MFSD2B: variants seen among roughly 807,000 people sequenced by gnomAD.
MFSD2B encodes MFSD2 lysolipid transporter B, sphingolipid.
In MFSD2B, 56 loss-of-function variants were observed where a neutral mutation model predicts 58.4. That is an observed-to-expected ratio of 0.96 (90% CI 0.77 to 1.20). MFSD2B has a LOEUF of 1.20. MFSD2B is among the 50% of genes most tolerant of loss of function. The pLI, the probability that MFSD2B is intolerant of heterozygous loss-of-function variation, is 0.00. For missense variants in MFSD2B, 645 were observed against 667.6 expected (o/e 0.97, Z 0.37); for synonymous variants, 287 against 294.4 (o/e 0.97, Z 0.26).
intron 6 of MFSD2B, chr2:24,018,767 A>T (rs1394920853): frequency 6.1e-6 from 1 of 162,856 alleles, no homozygotes; most frequent in Non-Finnish European, 1.3e-5. Context: ...CGCCTTCAGG[A>T]CTGGGCATGG....
In MFSD2B at chr2:24,017,695, G is replaced by T; in HGVS notation, c.681+107G>T. The T allele has an allele frequency of 1.6e-6, 2 of 1,254,718 alleles. No homozygotes were observed. Among genetic ancestry groups the T allele is most frequent in the Non-Finnish European group, 1.1e-6 (1 of 921,284 alleles). The allele number at this position is 1,254,718 out of a possible 1,614,324, so 77.7% of individuals were successfully genotyped here. A position where few individuals can be genotyped will look rare whatever the true frequency, so the allele number is the denominator to read the frequency against. On this transcript the variant is annotated intron_variant, in intron 6 of 13. Coordinates refer to ENST00000338315, the MANE Select transcript of MFSD2B (RefSeq NM_001346880.2). This position sits in a 1 kb window ranked among gnomAD's most constrained non-coding sequence, Gnocchi z 4.8. ...GTCCACACCACTTTGTTGTCTTTTA[G>T]GGGGCTCACTGTGCCCCCTCATTCC...
chr2:24,024,352 C>A lies in MFSD2B; in HGVS notation c.1490+81C>A. 2 of 1,393,946 alleles carry A rather than the reference C, an allele frequency of 1.4e-6. No homozygotes were observed. Among genetic ancestry groups the A allele is most frequent in the Non-Finnish European group, 2.0e-6 (2 of 1,024,956 alleles). The allele number at this position is 1,393,946 out of a possible 1,614,324, so 86.3% of individuals were successfully genotyped here. A position where few individuals can be genotyped will look rare whatever the true frequency, so the allele number is the denominator to read the frequency against. On this transcript the variant is annotated intron_variant, in intron 13 of 13. Transcript: ENST00000338315. This position sits in a 1 kb window ranked among gnomAD's most constrained non-coding sequence, Gnocchi z 4.3. The stretch of plus-strand genomic sequence containing the variant: ...ATGACTAACACCAGCCTGCAGACAT[C>A]CCTGCTGTGTCACACAGTCCTGCCT...
rs1012830923 is a variant in MFSD2B, at chr2:24,020,616, A to G, written c.682-1032A>G. ...ACTCTGCCACCCAGGCTGGAGTGCA[A>G]TGGTGCAATCACAGCTCACAGCAAC... is the stretch of plus-strand genomic sequence containing the variant. On this transcript the variant is annotated intron_variant, in intron 6 of 13. Coordinates refer to ENST00000338315, the MANE Select transcript of MFSD2B (RefSeq NM_001346880.2). This position sits in a 1 kb window ranked among gnomAD's most constrained non-coding sequence, Gnocchi z 4.1. Among the ~76,000 whole-genome samples, 2 of 151,952 alleles carry G rather than the reference A, an allele frequency of 1.3e-5. No individual in the cohort carries two copies. Among genetic ancestry groups the G allele is most frequent in the East Asian group, 1.9e-4 (1 of 5,148 alleles).
Position 24,023,463 on chromosome 2 carries a change from C to T in MFSD2B, c.1170-120C>T. The T allele has an allele frequency of 8.1e-7, 1 of 1,238,730 alleles. No homozygotes were observed. Among genetic ancestry groups the T allele is most frequent in the Non-Finnish European group, 1.1e-6 (1 of 895,252 alleles). The allele number at this position is 1,238,730 out of a possible 1,614,324, so 76.7% of individuals were successfully genotyped here. A position where few individuals can be genotyped will look rare whatever the true frequency, so the allele number is the denominator to read the frequency against. Reference sequence around the variant, plus strand: ...CACAGGCCATCTGCTTCTCTGGTGGCCAGTCTGGTCCTGGGCACAGAACTC... The same window carrying T: ...CACAGGCCATCTGCTTCTCTGGTGGTCAGTCTGGTCCTGGGCACAGAACTC... On this transcript the variant is annotated intron_variant, in intron 11 of 13. Transcript: ENST00000338315. This position sits in a 1 kb window ranked among gnomAD's most constrained non-coding sequence, Gnocchi z 5.0.
chr2:24,018,449 C>T, intron 6 of MFSD2B: 1 of 181,696 alleles, frequency 5.5e-6, no homozygotes, highest in Non-Finnish European at 1.2e-5. Flanking sequence ...GCCCACGATC[C>T]CCTCCCCCAA....
Position 24,025,540 on chromosome 2 carries a change from G to C in MFSD2B, c.*84G>C. Reference sequence around the variant, plus strand: ...GCCCTCCTCAGCCCTCCAGCACCTGGTCTGGCAGTTTAGTATGTGACCTTT... The same window carrying C: ...GCCCTCCTCAGCCCTCCAGCACCTGCTCTGGCAGTTTAGTATGTGACCTTT... On this transcript the variant is annotated 3_prime_UTR_variant, in exon 14 of 14. Coordinates refer to ENST00000338315, the MANE Select transcript of MFSD2B (RefSeq NM_001346880.2). 1 of 1,276,170 alleles carries C rather than the reference G, an allele frequency of 7.8e-7. No homozygotes were observed. Among genetic ancestry groups the C allele is most frequent in the Non-Finnish European group, 1.1e-6 (1 of 910,538 alleles). 79.1% of individuals were successfully genotyped at this position (1,276,170 alleles called of 1,614,324 possible).
chr2:24,010,085 G>A lies in MFSD2B; in HGVS notation c.-12G>A. On this transcript the variant is annotated 5_prime_UTR_variant, in exon 1 of 14. Transcript: ENST00000338315. ...CCCGAGGGCAACGGCCGCGGGCGGC[G>A]CTGCGGTGGCAATGGCGGCGCCCCC... 7.0e-7 allele frequency: 1 copy of A among 1,424,580 alleles called. No homozygotes were observed. The highest frequency in any genetic ancestry group is 9.1e-7 in the Non-Finnish European group (1 of 1,095,268). The allele number at this position is 1,424,580 out of a possible 1,614,324, so 88.2% of individuals were successfully genotyped here.
At position 24,021,681 on chromosome 2, in the gene MFSD2B, G is replaced by GC; in HGVS notation, c.715_716insC (p.Val239AlafsTer161). Reference sequence around the variant, plus strand: ...CTACTGCATTGCGGCTGCCGTGGTTGTAGTGACTTACCCCGTGTGCATCAG... The same window carrying GC: ...CTACTGCATTGCGGCTGCCGTGGTTGCTAGTGACTTACCCCGTGTGCATCAG... On this transcript the variant is annotated frameshift_variant, in exon 7 of 14. Coordinates refer to ENST00000338315, the MANE Select transcript of MFSD2B (RefSeq NM_001346880.2). LOFTEE classifies it high-confidence loss of function. The surrounding 1 kb of genome is among the most constrained non-coding windows in gnomAD (Gnocchi z 5.7). 6.2e-7 allele frequency: 1 copy of GC among 1,613,578 alleles called. No homozygotes were observed. Among genetic ancestry groups the GC allele is most frequent in the Admixed American group, 1.7e-5 (1 of 59,948 alleles).
rs772254594 is a variant in MFSD2B, at chr2:24,024,118, T to A, written c.1337T>A (p.Val446Asp). 6.2e-7 allele frequency: 1 copy of A among 1,613,558 alleles called. No individual in the cohort carries two copies. Among genetic ancestry groups the A allele is most frequent in the South Asian group, 1.1e-5 (1 of 91,040 alleles). ...AGGTTCTCGGGGTATAAGGCAGGGGTCTGCAAGCAAGCAGAGGAGGTGGTG... is the reference window on the plus strand; with the variant it reads ...AGGTTCTCGGGGTATAAGGCAGGGGACTGCAAGCAAGCAGAGGAGGTGGTG... ...SLEFSGYKAG[V>D]CKQAEEVVVT... The change falls in exon 13 of 14, where the codon GTC (valine) becomes GAC (aspartate). Residue 446 changes from valine to aspartate, a missense_variant. By Grantham distance (152) the Val-to-Asp change is radical (BLOSUM62 -3). Coordinates refer to ENST00000338315, the MANE Select transcript of MFSD2B (RefSeq NM_001346880.2). This position sits in a 1 kb window ranked among gnomAD's most constrained non-coding sequence, Gnocchi z 4.3.
Position 24,023,234 on chromosome 2 carries a change from ACC to A in MFSD2B, c.1166_1167del (p.Pro389LeufsTer10). 1 of 1,612,778 alleles carries A rather than the reference ACC, an allele frequency of 6.2e-7. No individual in the cohort carries two copies. The highest frequency in any genetic ancestry group is 8.5e-7 in the Non-Finnish European group (1 of 1,179,304). On this transcript the variant is annotated frameshift_variant, in exon 11 of 14. Transcript: ENST00000338315. LOFTEE classifies it high-confidence loss of function. The surrounding 1 kb of genome is among the most constrained non-coding windows in gnomAD (Gnocchi z 5.0). ...GVSIAVSLLL[P>X]WSMLPDVVDD... ...TGAGCATTGCTGTGTCCTTGCTGCT[ACC>A]CTGGTAGGCTGGGTGTGGGGGCCTC...
rs989401389 is a variant in MFSD2B at position 24,017,085 on chromosome 2, C to T, written c.471+117C>T. The T allele has an allele frequency of 4.7e-6, 7 of 1,477,324 alleles. No homozygotes were observed. In the African/African-American group the frequency reaches 9.7e-5, roughly 20 times the overall value. 91.5% of individuals were successfully genotyped at this position (1,477,324 alleles called of 1,614,324 possible). ...CCCTCCCCACCCGCCTGTGCCTGGA[C>T]CATGCCATTGGCACTCGCCAGCCTT... On this transcript the variant is annotated intron_variant, in intron 4 of 13. Transcript: ENST00000338315. The surrounding 1 kb of genome is among the most constrained non-coding windows in gnomAD (Gnocchi z 4.8).
At position 24,023,618 on chromosome 2, in the gene MFSD2B, T is replaced by G. The variant is rs1481573496; in HGVS notation, c.1205T>G (p.Leu402Arg). 2 of 1,613,966 alleles carry G rather than the reference T, an allele frequency of 1.2e-6. No individual in the cohort carries two copies. Among genetic ancestry groups the G allele is most frequent in the African/African-American group, 1.3e-5 (1 of 75,060 alleles). ...CCAGACGTGGTGGATGACTTTCAGC[T>G]GCAGCACCGTCACGGGCCAGGCCTG... The part of the protein sequence containing the change: ...MLPDVVDDFQ[L>R]QHRHGPGLET... The change falls in exon 12 of 14, where the codon CTG (leucine) becomes CGG (arginine). Residue 402 changes from leucine (L) to arginine (R), a missense_variant. Leu to Arg is a moderately radical substitution (Grantham distance 102). Coordinates refer to ENST00000338315, the MANE Select transcript of MFSD2B (RefSeq NM_001346880.2). The surrounding 1 kb of genome is among the most constrained non-coding windows in gnomAD (Gnocchi z 5.0).
chr2:24,022,348 G>A lies in MFSD2B; in HGVS notation c.895-85G>A, dbSNP rs1662822053. The A allele has an allele frequency of 9.2e-7, 1 of 1,087,834 alleles. No individual in the cohort carries two copies. The highest frequency in any genetic ancestry group is 1.4e-6 in the Non-Finnish European group (1 of 724,968). 67.4% of individuals were successfully genotyped at this position (1,087,834 alleles called of 1,614,324 possible). A position where few individuals can be genotyped will look rare whatever the true frequency, so the allele number is the denominator to read the frequency against. On this transcript the variant is annotated intron_variant, in intron 8 of 13. Transcript: ENST00000338315. The surrounding 1 kb of genome is among the most constrained non-coding windows in gnomAD (Gnocchi z 4.5). ...AGCAAGCCAAGGTCCCAATGGAGAT[G>A]CCAGACTCCAGACCCTGTCCTTGCC...
At position 24,026,264 on chromosome 2, in the gene MFSD2B, A is replaced by C. The variant is rs1662975814; in HGVS notation, c.*808A>C. On this transcript the variant is annotated 3_prime_UTR_variant, in exon 14 of 14. Transcript: ENST00000338315. ...TATGTATGTATATAAATATATAGAA[A>C]TCCTAAATGGTCCCTGTGACATAAG... 1 of 152,268 alleles carries C rather than the reference A, an allele frequency of 6.6e-6. No homozygotes were observed. 9.4% of individuals were successfully genotyped at this position (152,268 alleles called of 1,614,324 possible). A position where few individuals can be genotyped will look rare whatever the true frequency, so the allele number is the denominator to read the frequency against.
Position 24,017,418 on chromosome 2 carries a change from C to T in MFSD2B, c.551-40C>T, listed in dbSNP as rs777847162. ...AGGGAGGCAACTGCCCCTGGGACCC[C>T]ACTCCCTCTCAGTCACCTTAAGTGG... On this transcript the variant is annotated intron_variant, in intron 5 of 13. Transcript: ENST00000338315. The surrounding 1 kb of genome is among the most constrained non-coding windows in gnomAD (Gnocchi z 4.8). The T allele has an allele frequency of 6.3e-7, 1 of 1,596,252 alleles. No individual in the cohort carries two copies. The highest frequency in any genetic ancestry group is 1.7e-4 in the Middle Eastern group (1 of 6,036).
Position 24,013,336 on chromosome 2 carries a change from G to T in MFSD2B, c.148G>T (p.Gly50Cys), listed in dbSNP as rs755429036. 34 of 1,612,078 alleles carry T rather than the reference G, an allele frequency of 2.1e-5. No homozygotes were observed. Among genetic ancestry groups the T allele is most frequent in the African/African-American group, 2.7e-5 (2 of 74,894 alleles). The change falls in exon 2 of 14, where the codon GGT (glycine) becomes TGT (cysteine). Residue 50 changes from glycine (G) to cysteine (C), a missense_variant. By Grantham distance (159) the Gly-to-Cys change is radical. Coordinates refer to ENST00000338315, the MANE Select transcript of MFSD2B (RefSeq NM_001346880.2). ...CTGTACAAAGGTGTGCTATGGCATT[G>T]GTGGGGTCCCCAACCAGATAGCCTC... ...SFCTKVCYGI[G>C]GVPNQIASSA...
At position 24,013,335 on chromosome 2, in the gene MFSD2B, T is replaced by C. The variant is rs1442193920; in HGVS notation, c.147T>C (p.Ile49=). 6.2e-7 allele frequency: 1 copy of C among 1,612,400 alleles called. No individual in the cohort carries two copies. Among genetic ancestry groups the C allele is most frequent in the Non-Finnish European group, 8.5e-7 (1 of 1,179,444 alleles). The change falls in exon 2 of 14, where the codon ATT becomes ATC. Residue 49 remains isoleucine (I), a synonymous_variant. Coordinates refer to ENST00000338315, the MANE Select transcript of MFSD2B (RefSeq NM_001346880.2). The stretch of plus-strand genomic sequence containing the variant: ...TCTGTACAAAGGTGTGCTATGGCAT[T>C]GGTGGGGTCCCCAACCAGATAGCCT... The part of the protein sequence containing the change: ...LSFCTKVCYG[I]GGVPNQIASS...
In MFSD2B at chr2:24,017,205, A is replaced by T; in HGVS notation, c.472-81A>T. 7.1e-7 allele frequency: 1 copy of T among 1,416,926 alleles called. No homozygotes were observed. Among genetic ancestry groups the T allele is most frequent in the Non-Finnish European group, 9.7e-7 (1 of 1,035,064 alleles). The allele number at this position is 1,416,926 out of a possible 1,614,324, so 87.8% of individuals were successfully genotyped here. A position where few individuals can be genotyped will look rare whatever the true frequency, so the allele number is the denominator to read the frequency against. On this transcript the variant is annotated intron_variant, in intron 4 of 13. Transcript: ENST00000338315. This position sits in a 1 kb window ranked among gnomAD's most constrained non-coding sequence, Gnocchi z 4.8. ...GTCACGTTGGCCTGTGGGTGTCGGG[A>T]TGTGACACCCAGGATGGGGGAGGTC... is the stretch of plus-strand genomic sequence containing the variant.
rs1390978227 is a variant in MFSD2B at position 24,024,376 on chromosome 2, C to G, written c.1490+105C>G. ...TCCCTGCTGTGTCACACAGTCCTGC[C>G]TCTGGGACCTCTTTCCTTAGCTCAG... On this transcript the variant is annotated intron_variant, in intron 13 of 13. Transcript: ENST00000338315. The surrounding 1 kb of genome is among the most constrained non-coding windows in gnomAD (Gnocchi z 4.3). 3.4e-6 allele frequency: 4 copies of G among 1,171,464 alleles called. No homozygotes were observed. Among genetic ancestry groups the G allele is most frequent in the South Asian group, 1.5e-5 (1 of 67,446 alleles). The allele number at this position is 1,171,464 out of a possible 1,614,324, so 72.6% of individuals were successfully genotyped here. A position where few individuals can be genotyped will look rare whatever the true frequency, so the allele number is the denominator to read the frequency against.
Sources: gnomAD v4.1 joint callset for allele counts (sites outside exome capture counted in the v4.1 genomes callset) on GRCh38, gnomAD v4.1.1 for gene constraint, Gnocchi (gnomAD v3.1) non-coding constraint, MANE v1.5 for transcripts, NCBI Gene and HGNC (gene_info 2026-07-23, HGNC 2026-07-21) for gene names.